C1orf21: variants seen among roughly 807,000 people sequenced by gnomAD.
C1orf21 encodes the protein uncharacterized protein C1orf21.
A neutral mutation model predicts 18.7 loss-of-function variants in C1orf21; 3 were observed. That is an observed-to-expected ratio of 0.16 (90% confidence interval 0.07 to 0.42). C1orf21 has a LOEUF of 0.42. Among genes scored for constraint, C1orf21 ranks in the 10% least tolerant of loss-of-function variants. C1orf21 has a pLI of 0.99. For missense variants in C1orf21, 104 were observed against 143.6 expected (o/e 0.72, Z 1.41); for synonymous variants, 41 against 46.4 (o/e 0.88, Z 0.47).
Position 184,402,415 on chromosome 1 carries a change from A to C in C1orf21, c.-125+15047A>C, listed in dbSNP as rs544870572. ...GCAGAAGGAGCACTTGAGGCCAGGA[A>C]TTTGAGACCAGCCAGGGCAATATAA... On this transcript the variant is annotated intron_variant, in intron 1 of 5. Coordinates refer to ENST00000235307, the MANE Select transcript of C1orf21 (RefSeq NM_030806.4). Among the ~76,000 whole-genome samples the C allele has an allele frequency of 2.9e-4, 44 of 152,278 alleles. 1 individual carries two copies. Among genetic ancestry groups the C allele is most frequent in the African/African-American group, 1.1e-3 (44 of 41,558 alleles).
chr1:184,571,338 A>G (rs1248605749), intron 3 of C1orf21, among the ~76,000 whole-genome samples: 1 of 151,826 alleles, frequency 6.6e-6, no homozygotes, highest in East Asian at 1.9e-4. Context: ...CGGTAAAAAT[A>G]CAGTATTATA....
At chr1:184,579,898 G>A (rs575975427) in intron 3 of C1orf21, among the ~76,000 whole-genome samples, 7 of 152,276 alleles carry the variant, frequency 4.6e-5, no homozygotes, top group African/African-American at 1.7e-4. Context: ...AATCAGGACT[G>A]TAGGGTGGAT....
chr1:184,570,040 G>A (rs192365815), intron 3 of C1orf21, among the ~76,000 whole-genome samples: 13 of 152,328 alleles, frequency 8.5e-5, no homozygotes, highest in Admixed American at 7.2e-4. Context: ...TGAGGGAAAA[G>A]CTGCCACTTA....
At position 184,617,948 on chromosome 1, in the gene C1orf21, C is replaced by T. The variant is rs373130069; in HGVS notation, c.328-1570C>T. Among the ~76,000 whole-genome samples the T allele has an allele frequency of 7.2e-5, 10 of 138,160 alleles. No homozygotes were observed. In the East Asian group the frequency reaches 2.1e-3, roughly 29 times the overall value. The allele number at this position is 138,160 out of a possible 152,430, so 90.6% of individuals were successfully genotyped here. ...TTTTTGAGATAGAGTCTCACTCTGT[C>T]ACCCAGGCTGCAGTGCAATGGTGCG... On this transcript the variant is annotated intron_variant, in intron 5 of 5. Coordinates refer to ENST00000235307, the MANE Select transcript of C1orf21 (RefSeq NM_030806.4).
chr1:184,577,855 T>C (rs1051071055), intron 3 of C1orf21, among the ~76,000 whole-genome samples: 5 of 152,212 alleles, frequency 3.3e-5, no homozygotes, highest in Non-Finnish European at 7.3e-5. Flanking sequence ...ATTTTATTTT[T>C]CTGGCAATAT....
At chr1:184,618,059 G>A (rs759500536) in intron 5 of C1orf21, among the ~76,000 whole-genome samples, 8 of 151,858 alleles carry the variant, frequency 5.3e-5, no homozygotes, top group South Asian at 2.1e-4. Flanking sequence ...ACAGGTGCCC[G>A]CCACCACGCC....
chr1:184,430,773 G>A (rs1222328051), intron 1 of C1orf21, among the ~76,000 whole-genome samples: 1 of 152,110 alleles, frequency 6.6e-6, no homozygotes, highest in Non-Finnish European at 1.5e-5. Flanking sequence ...AAGATCTGGT[G>A]CCTCTGGTTC....
intron 3 of C1orf21, among the ~76,000 whole-genome samples, chr1:184,519,774 A>C (rs1402413997): frequency 6.6e-6 from 1 of 152,230 alleles, no homozygotes; most frequent in African/African-American, 2.4e-5. Flanking sequence ...TGAGAGTATC[A>C]AAAGCAACCA....
At chr1:184,514,021 G>A (rs566359046) in intron 3 of C1orf21, among the ~76,000 whole-genome samples, 2 of 152,352 alleles carry the variant, frequency 1.3e-5, no homozygotes, top group East Asian at 1.9e-4. Context: ...AGTGGGCTAC[G>A]TGCGGTGGCT....
intron 3 of C1orf21, among the ~76,000 whole-genome samples, chr1:184,516,316 G>A (rs967824448): frequency 2.6e-5 from 4 of 152,034 alleles, no homozygotes; most frequent in African/African-American, 9.7e-5. Flanking sequence ...AAAACAGGGT[G>A]TTTTAATATG....
Position 184,446,891 on chromosome 1 carries a change from G to A in C1orf21, c.-124-30495G>A, listed in dbSNP as rs147238193. Among the ~76,000 whole-genome samples, 219 of 143,658 alleles carry A rather than the reference G, an allele frequency of 1.5e-3. 1 individual carries two copies. The highest frequency in any genetic ancestry group is 0.015 in the East Asian group (74 of 5,008). The allele number at this position is 143,658 out of a possible 152,430, so 94.2% of individuals were successfully genotyped here. A position where few individuals can be genotyped will look rare whatever the true frequency, so the allele number is the denominator to read the frequency against. On this transcript the variant is annotated intron_variant, in intron 1 of 5. Coordinates refer to ENST00000235307, the MANE Select transcript of C1orf21 (RefSeq NM_030806.4). Reference sequence around the variant, plus strand: ...TTTTGGAGACAGGTACTGATATTTCGGGATGAAACGATGACTTGATAATTG... The same window carrying A: ...TTTTGGAGACAGGTACTGATATTTCAGGATGAAACGATGACTTGATAATTG...
chr1:184,586,246 G>A (rs1052589742), intron 3 of C1orf21, among the ~76,000 whole-genome samples: 2 of 148,458 alleles, frequency 1.3e-5, no homozygotes, highest in Admixed American at 1.3e-4. Context: ...CTGCATGTCT[G>A]TCTTCTTTTG....
chr1:184,534,256 A>G (rs1427278195), intron 3 of C1orf21, among the ~76,000 whole-genome samples: 2 of 152,202 alleles, frequency 1.3e-5, no homozygotes, highest in Admixed American at 6.5e-5. Context: ...ATTCTGTTTA[A>G]GCGAATTTAG....
chr1:184,505,467 G>A (rs1027557419), intron 2 of C1orf21, among the ~76,000 whole-genome samples: 2 of 151,228 alleles, frequency 1.3e-5, no homozygotes, highest in African/African-American at 2.4e-5. Flanking sequence ...TTCAGTTAAA[G>A]TTTATTAATA....
chr1:184,498,387 G>T (rs1243917809), intron 2 of C1orf21, among the ~76,000 whole-genome samples: 1 of 152,096 alleles, frequency 6.6e-6, no homozygotes, highest in African/African-American at 2.4e-5. Flanking sequence ...ATGTCTATGC[G>T]TTCTCTCTCT....
chr1:184,427,171 G>A (rs1051734520), intron 1 of C1orf21, among the ~76,000 whole-genome samples: 6 of 152,210 alleles, frequency 3.9e-5, no homozygotes, highest in South Asian at 2.1e-4. Flanking sequence ...CAAGAACTCC[G>A]TCAAAACCAG....
intron 2 of C1orf21, among the ~76,000 whole-genome samples, chr1:184,506,223 G>C (rs1236670533): frequency 6.6e-6 from 1 of 152,080 alleles, no homozygotes; most frequent in African/African-American, 2.4e-5. Flanking sequence ...AAAAACAGTT[G>C]GCTTAGTGAA....
intron 1 of C1orf21, among the ~76,000 whole-genome samples, chr1:184,447,507 A>G (rs1053022409): frequency 6.6e-6 from 1 of 151,948 alleles, no homozygotes; most frequent in Non-Finnish European, 1.5e-5. Context: ...CTTTATCTCC[A>G]CCTAACAACT....
chr1:184,441,336 T>C (rs1367242680), intron 1 of C1orf21, among the ~76,000 whole-genome samples: 1 of 152,232 alleles, frequency 6.6e-6, no homozygotes, highest in Admixed American at 6.5e-5. Flanking sequence ...TATTTTGATC[T>C]TCCTCTTTAC....
Sources: gnomAD v4.1 joint callset for allele counts (sites outside exome capture counted in the v4.1 genomes callset) on GRCh38, gnomAD v4.1.1 for gene constraint, MANE v1.5 for transcripts, NCBI Gene and HGNC (gene_info 2026-07-23, HGNC 2026-07-21) for gene names.